Variants in TFPI observed in about 807,000 individuals in gnomAD.
TFPI encodes the protein anti-convertin.
TFPI carries 15 observed loss-of-function variants against 34.6 expected under a neutral mutation model. The ratio of observed to expected loss-of-function variants is 0.43; its 90% CI spans 0.29 to 0.67. The LOEUF (loss-of-function observed/expected upper bound fraction) is 0.67, where lower values mean the gene tolerates loss of function less well. TFPI is among the 30% of genes least tolerant of loss of function. TFPI has a pLI of 0.15. For synonymous variants in TFPI, 105 were observed against 120.1 expected (o/e 0.87, Z 0.82); for missense variants, 301 against 364.0 (o/e 0.83, Z 1.41).
At chr2:187,535,895 G>T (rs760387752) in intron 1 of TFPI, among the ~76,000 whole-genome samples, 1 of 152,138 alleles carries the variant, frequency 6.6e-6, no homozygotes, top group Non-Finnish European at 1.5e-5. Flanking sequence ...AAATGATAAA[G>T]TGGATATCAC....
chr2:187,499,683 T>C (rs978015699), intron 2 of TFPI: 11 of 152,088 alleles, frequency 7.2e-5, no homozygotes, highest in African/African-American at 2.4e-4. Flanking sequence ...AAATGTGACC[T>C]ATCAGCTCCT....
chr2:187,496,853 T>G (rs375089521), intron 3 of TFPI, 28 bp downstream of exon 3: 78 of 1,606,880 alleles, frequency 4.9e-5, no homozygotes, highest in Non-Finnish European at 6.2e-5. Context: ...TAAAGGGTCT[T>G]GAGTAATAAG....
chr2:187,465,288 T>C lies in TFPI; in HGVS notation c.*1648A>G, dbSNP rs1485208534. 6.6e-6 allele frequency: 1 copy of C among 151,972 alleles called. No homozygotes were observed. Among genetic ancestry groups the C allele is most frequent in the Non-Finnish European group, 1.5e-5 (1 of 68,038 alleles). The allele number at this position is 151,972 out of a possible 1,614,324, so 9.4% of individuals were successfully genotyped here. A position where few individuals can be genotyped will look rare whatever the true frequency, so the allele number is the denominator to read the frequency against. ...GGGAGGCTGGGGCTGGAAGATTGCT[T>C]GAGCCCAGGTGTTCAAGACAAGCCT... is the stretch of plus-strand genomic sequence containing the variant. On this transcript the variant is annotated 3_prime_UTR_variant, in exon 8 of 8. Transcript: ENST00000233156.
At chr2:187,514,342 G>A (rs1686847029) in intron 1 of TFPI, 1 of 152,232 alleles carries the variant, frequency 6.6e-6, no homozygotes, top group Non-Finnish European at 1.5e-5. Flanking sequence ...TGGTCCTCCA[G>A]TCAACCAGGC....
intron 1 of TFPI, among the ~76,000 whole-genome samples, chr2:187,526,643 GA>G (rs1424109714): frequency 2.6e-5 from 4 of 151,964 alleles, no homozygotes; most frequent in Non-Finnish European, 4.4e-5. Flanking sequence ...AGTGAATCTA[GA>G]AAAAAATTTA....
At chr2:187,468,043 A>G (rs1230878898) in intron 6 of TFPI, 111 bp from the exon 7 acceptor site, 4 of 896,090 alleles carry the variant, frequency 4.5e-6, no homozygotes, top group African/African-American at 3.4e-5. Context: ...TAAAACAGTA[A>G]TCTGAATAAA....
At chr2:187,494,056 C>T (rs1324260272) in intron 3 of TFPI, among the ~76,000 whole-genome samples, 1 of 152,176 alleles carries the variant, frequency 6.6e-6, no homozygotes, top group African/African-American at 2.4e-5. Context: ...GAGCAAGTCA[C>T]ATCTTACATG....
At chr2:187,504,196 A>G (rs1175349510) in intron 1 of TFPI, among the ~76,000 whole-genome samples, 1 of 152,128 alleles carries the variant, frequency 6.6e-6, no homozygotes, top group Non-Finnish European at 1.5e-5. Flanking sequence ...TATTTCTTTA[A>G]TGCAACTTTT....
At chr2:187,543,620 T>G (rs757150573) in intron 1 of TFPI, among the ~76,000 whole-genome samples, 4 of 152,220 alleles carry the variant, frequency 2.6e-5, no homozygotes, top group Non-Finnish European at 4.4e-5. Flanking sequence ...TTTAATATGT[T>G]CATAAATCCA....
chr2:187,530,188 A>G (rs1687890368), intron 1 of TFPI, among the ~76,000 whole-genome samples: 1 of 152,236 alleles, frequency 6.6e-6, no homozygotes, highest in South Asian at 2.1e-4. Flanking sequence ...GTAAGAGAGC[A>G]GAAGGCACTG....
At chr2:187,534,135 A>G (rs1432049062) in intron 1 of TFPI, among the ~76,000 whole-genome samples, 2 of 152,252 alleles carry the variant, frequency 1.3e-5, no homozygotes, top group Non-Finnish European at 2.9e-5. Flanking sequence ...AAGAAGTTGG[A>G]GAACACTCTT....
chr2:187,490,769 T>C (rs1685069793), intron 3 of TFPI, among the ~76,000 whole-genome samples: 1 of 151,770 alleles, frequency 6.6e-6, no homozygotes. Flanking sequence ...CAATTTGATT[T>C]CTGTTTCTCA....
At chr2:187,513,170 A>C (rs564426613) in intron 1 of TFPI, among the ~76,000 whole-genome samples, 1 of 152,350 alleles carries the variant, frequency 6.6e-6, no homozygotes, top group East Asian at 1.9e-4. Flanking sequence ...AATCATAAAG[A>C]AAATTCTGTG....
At chr2:187,543,956 A>G (rs1688715739) in intron 1 of TFPI, among the ~76,000 whole-genome samples, 1 of 152,226 alleles carries the variant, frequency 6.6e-6, no homozygotes, top group African/African-American at 2.4e-5. Flanking sequence ...TCTGCTGTGT[A>G]TGATGGAAAT....
chr2:187,489,571 T>C lies in TFPI; in HGVS notation c.320-1196A>G, dbSNP rs570441575. The stretch of plus-strand genomic sequence containing the variant: ...TTTAATTGATAAGAAGAAAGAAATG[T>C]ATACATATAATGAGTACATAAGACT... On this transcript the variant is annotated intron_variant, in intron 3 of 7. Coordinates refer to ENST00000233156, the MANE Select transcript of TFPI (RefSeq NM_006287.6). 4.0e-5 allele frequency among the ~76,000 whole-genome samples: 6 copies of C among 151,672 alleles called. No individual in the cohort carries two copies. The South Asian group carries it at 1.2e-3, about 31-fold the overall frequency.
intron 1 of TFPI, among the ~76,000 whole-genome samples, chr2:187,520,184 C>G (rs1288656729): frequency 6.6e-6 from 1 of 152,098 alleles, no homozygotes; most frequent in Non-Finnish European, 1.5e-5. Context: ...ATTCCAGGCA[C>G]CACTGGGGTA....
chr2:187,468,737 G>A (rs909091506), intron 6 of TFPI, among the ~76,000 whole-genome samples: 1 of 152,086 alleles, frequency 6.6e-6, no homozygotes, highest in Non-Finnish European at 1.5e-5. Flanking sequence ...TCAGCTGAAT[G>A]TTAGTTTTTA....
At chr2:187,535,293 C>T (rs113139190) in intron 1 of TFPI, among the ~76,000 whole-genome samples, 19,956 of 152,144 alleles carry the variant, frequency 0.13, 1,517 homozygotes, top group East Asian at 0.31. Flanking sequence ...ATATTCTTCT[C>T]AGCACCACAT....
intron 6 of TFPI, among the ~76,000 whole-genome samples, chr2:187,481,611 CATT>C (rs1381659586): frequency 8.4e-6 from 1 of 119,456 alleles, no homozygotes; most frequent in African/African-American, 3.2e-5. Flanking sequence ...GTTACTGCAA[CATT>C]GTTTCATGTT....
Sources: gnomAD v4.1 joint callset for allele counts (sites outside exome capture counted in the v4.1 genomes callset) on GRCh38, gnomAD v4.1.1 for gene constraint, MANE v1.5 for transcripts, NCBI Gene and HGNC (gene_info 2026-07-23, HGNC 2026-07-21) for gene names.